The following FGFR4 variants were observed in gnomAD, a reference collection of about 807,000 sequenced individuals.
FGFR4 encodes the protein hydroxyaryl-protein kinase.
A neutral mutation model predicts 89.9 loss-of-function variants in FGFR4; 63 were observed. That is an observed-to-expected ratio of 0.70 (90% confidence interval 0.57 to 0.86). The LOEUF (loss-of-function observed/expected upper bound fraction) is 0.86. FGFR4 is among the 40% of genes least tolerant of loss of function. The pLI, the probability that FGFR4 is intolerant of heterozygous loss-of-function variation, is 0.00. For missense variants in FGFR4, 928 were observed against 1,106.7 expected, an observed-to-expected ratio of 0.84 and a Z score of 2.29; for synonymous variants, 486 against 479.4, an observed-to-expected ratio of 1.01 and a Z score of -0.18.
Position 177,092,386 on chromosome 5 carries a change from A to G in FGFR4, c.793A>G (p.Ser265Gly). ...LPANTTAVVGSDVELLCKVYS... is the reference protein window; with the variant it reads ...LPANTTAVVGGDVELLCKVYS... ...GGCCAACACCACAGCCGTGGTGGGC[A>G]GCGACGTGGAGCTGCTGTGCAAGGT... is the stretch of plus-strand genomic sequence containing the variant. Residue 265 changes from serine to glycine, a missense_variant, in exon 7 of 18, where the codon AGC (serine) becomes GGC (glycine). Around this residue, in one of 5 missense-constraint regions of FGFR4, gnomAD observed 741 missense variants for 836.9 expected, o/e 0.89. Transcript: ENST00000292408. 1.9e-6 allele frequency: 3 copies of G among 1,607,746 alleles called. No homozygotes were observed. Among genetic ancestry groups the G allele is most frequent in the Non-Finnish European group, 2.6e-6 (3 of 1,175,530 alleles).
Position 177,092,708 on chromosome 5 carries a change from CGCAGGCG to C in FGFR4, c.982_988del (p.Ala328SerfsTer121). On this transcript the variant is annotated frameshift_variant, in exon 8 of 18. Coordinates refer to ENST00000292408, the MANE Select transcript of FGFR4 (RefSeq NM_213647.3). LOFTEE classifies it high-confidence loss of function. ...ACCTGCGGAACGTGTCAGCCGAGGA[CGCAGGCG>C]AGTACACCTGCCTCGCAGGCAATTC... The C allele has an allele frequency of 6.2e-7, 1 of 1,614,198 alleles. No individual in the cohort carries two copies. The highest frequency in any genetic ancestry group is 1.1e-5 in the South Asian group (1 of 91,082).
At chr5:177,092,235 T>G in intron 6 of FGFR4, 86 bp from the exon 7 acceptor site, 2 of 1,374,086 alleles carry the variant, frequency 1.5e-6, no homozygotes, top group Non-Finnish European at 1.9e-6. Flanking sequence ...GTCCCTCCCT[T>G]GAACTTGAGG....
chr5:177,097,432 T>G, intron 17 of FGFR4, 35 bp downstream of exon 17: 1 of 1,447,170 alleles, frequency 6.9e-7, no homozygotes, highest in Non-Finnish European at 9.5e-7. Flanking sequence ...TCCCTCTGCC[T>G]GCTCCCCTCC....
intron 1 of FGFR4, chr5:177,088,399 C>T (rs748599875): frequency 5.1e-6 from 1 of 195,628 alleles, no homozygotes; most frequent in Non-Finnish European, 1.1e-5. Flanking sequence ...GTTGAAGAGC[C>T]GAGGGAGAGG....
chr5:177,088,438 G>A, intron 1 of FGFR4: 1 of 197,638 alleles, frequency 5.1e-6, no homozygotes, highest in South Asian at 1.9e-4. Flanking sequence ...GCAAGAGATG[G>A]CCATGACCTG....
chr5:177,092,196 G>T, intron 6 of FGFR4, 125 bp from the exon 7 acceptor site: 1 of 1,002,900 alleles, frequency 1.0e-6, no homozygotes, highest in Non-Finnish European at 1.4e-6. Context: ...AGCAGGGTAA[G>T]CAGGAGACAG....
Position 177,097,671 on chromosome 5 carries a change from A to G in FGFR4, c.2404A>G (p.Thr802Ala), listed in dbSNP as rs551082604. The change falls in exon 18 of 18, where the codon ACA becomes GCA. Residue 802 changes from threonine (T) to alanine (A), a missense_variant. Thr to Ala is a moderately conservative substitution (Grantham distance 58, BLOSUM62 0). Around this residue, in one of 5 missense-constraint regions of FGFR4, gnomAD observed 129 missense variants for 150.8 expected, o/e 0.86. Coordinates refer to ENST00000292408, the MANE Select transcript of FGFR4 (RefSeq NM_213647.3). ...SSFPFGSGVQ[T>A] ...CTTCCCCTTCGGGTCTGGGGTGCAG[A>G]CATGAGCAAGGCTCAAGGCTGTGCA... The G allele has an allele frequency of 6.2e-7, 1 of 1,613,898 alleles. No individual in the cohort carries two copies. Among genetic ancestry groups the G allele is most frequent in the East Asian group, 2.2e-5 (1 of 44,880 alleles).
intron 5 of FGFR4, 64 bp from the exon 6 acceptor site, chr5:177,091,621 C>T (rs1224182116): frequency 4.4e-6 from 7 of 1,598,386 alleles, no homozygotes; most frequent in African/African-American, 4.0e-5. Flanking sequence ...GATCTAGCCT[C>T]CTGGTCCTCT....
Position 177,097,570 on chromosome 5 carries a change from G to A in FGFR4, c.2303G>A (p.Gly768Asp), listed in dbSNP as rs756117219. The part of the protein sequence containing the change: ...RLTFGPYSPS[G>D]GDASSTCSSS... ...ACCTTCGGACCCTATTCCCCCTCTG[G>A]TGGGGACGCCAGCAGCACCTGCTCC... Residue 768 changes from glycine to aspartate, a missense_variant, in exon 18 of 18, where the codon GGT becomes GAT. This residue lies in a region of FGFR4 where 129 missense variants were observed against 150.8 expected (regional missense o/e 0.86). Transcript: ENST00000292408. The A allele has an allele frequency of 6.2e-6, 10 of 1,614,048 alleles. No homozygotes were observed. The highest frequency in any genetic ancestry group is 8.5e-6 in the Non-Finnish European group (10 of 1,179,992).
At chr5:177,094,540 TG>T (rs1220461856) in intron 11 of FGFR4, among the ~76,000 whole-genome samples, 1 of 151,872 alleles carries the variant, frequency 6.6e-6, no homozygotes, top group Admixed American at 6.6e-5. Context: ...TCCCTAGGTC[TG>T]CCCCCCACGT....
rs1012520229 is a variant in FGFR4 at position 177,095,201 on chromosome 5, C to A, written c.1520-129C>A. ...GCTAGGAGACTTTTTCAAGGCCACA[C>A]AGCCTAGCAAGGATTCAGCCCTAGA... On this transcript the variant is annotated intron_variant, in intron 11 of 17. Transcript: ENST00000292408. This position sits in a 1 kb window ranked among gnomAD's most constrained non-coding sequence, Gnocchi z 5.7. 1.3e-6 allele frequency: 1 copy of A among 754,856 alleles called. No homozygotes were observed. Among genetic ancestry groups the A allele is most frequent in the Non-Finnish European group, 2.3e-6 (1 of 434,108 alleles). The allele number at this position is 754,856 out of a possible 1,614,324, so 46.8% of individuals were successfully genotyped here. A position where few individuals can be genotyped will look rare whatever the true frequency, so the allele number is the denominator to read the frequency against.
chr5:177,096,242 C>G (rs774336410), intron 14 of FGFR4, 45 bp from the exon 15 acceptor site: 6 of 1,613,362 alleles, frequency 3.7e-6, no homozygotes, highest in Non-Finnish European at 5.1e-6. Flanking sequence ...GTGGCAGGCA[C>G]GAGGACCTGT....
Position 177,097,664 on chromosome 5 carries a change from G to A in FGFR4, c.2397G>A (p.Gly799=), listed in dbSNP as rs776703447. 6.8e-6 allele frequency: 11 copies of A among 1,613,700 alleles called. No homozygotes were observed. The African/African-American group carries it at 1.5e-4, about 22-fold the overall frequency. ...CCAGCTCCTTCCCCTTCGGGTCTGG[G>A]GTGCAGACATGAGCAAGGCTCAAGG... ...LGSSSFPFGS[G]VQT is the part of the protein sequence containing the mutation. Residue 799 remains glycine (G), a synonymous_variant, in exon 18 of 18, where the codon GGG becomes GGA. Transcript: ENST00000292408.
rs1467308461 is a variant in FGFR4, at chr5:177,090,607, A to C, written c.309A>C (p.Ala103=). ...PEDAGRYLCL[A]RGSMIVLQNL... is the part of the protein sequence containing the mutation. Reference sequence around the variant, plus strand: ...ATGCTGGCCGCTACCTCTGCCTGGCACGAGGCTCCATGATCGTCCTGCAGA... The same window carrying C: ...ATGCTGGCCGCTACCTCTGCCTGGCCCGAGGCTCCATGATCGTCCTGCAGA... The change falls in exon 3 of 18, where the codon GCA becomes GCC. Residue 103 remains alanine, a synonymous_variant. Transcript: ENST00000292408. 1 of 1,522,816 alleles carries C rather than the reference A, an allele frequency of 6.6e-7. No homozygotes were observed. Among genetic ancestry groups the C allele is most frequent in the Non-Finnish European group, 8.8e-7 (1 of 1,137,156 alleles). 94.3% of individuals were successfully genotyped at this position (1,522,816 alleles called of 1,614,324 possible).
chr5:177,095,806 CCT>C lies in FGFR4; in HGVS notation c.1821+88_1821+89del. ...GTGGCATTCAATGTCCCGACTTCTC[CCT>C]CTCTGCTCTTTTTCATGACCCCACC... On this transcript the variant is annotated intron_variant, in intron 13 of 17. Transcript: ENST00000292408. This position sits in a 1 kb window ranked among gnomAD's most constrained non-coding sequence, Gnocchi z 5.7. 1 of 1,385,376 alleles carries C rather than the reference CCT, an allele frequency of 7.2e-7. No individual in the cohort carries two copies. Among genetic ancestry groups the C allele is most frequent in the Non-Finnish European group, 9.6e-7 (1 of 1,036,932 alleles). 85.8% of individuals were successfully genotyped at this position (1,385,376 alleles called of 1,614,324 possible).
chr5:177,093,903 C>CAA lies in FGFR4; in HGVS notation c.1519+137_1519+138dup. 5.5e-5 allele frequency: 52 copies of CAA among 944,700 alleles called. No homozygotes were observed. The highest frequency in any genetic ancestry group is 8.4e-5 in the South Asian group (4 of 47,750). 58.5% of individuals were successfully genotyped at this position (944,700 alleles called of 1,614,324 possible). ...GCAACATGGCAAGACTTCATCTCTA[C>CAA]AAAAAAAAAATAAGAAAATTAGTTG... On this transcript the variant is annotated intron_variant, in intron 11 of 17. Transcript: ENST00000292408. The surrounding 1 kb of genome is among the most constrained non-coding windows in gnomAD (Gnocchi z 5.8).
Position 177,097,601 on chromosome 5 carries a change from C to T in FGFR4, c.2334C>T (p.Ser778=), listed in dbSNP as rs188755817. 8.7e-6 allele frequency: 14 copies of T among 1,614,180 alleles called. No individual in the cohort carries two copies. Among genetic ancestry groups the T allele is most frequent in the South Asian group, 7.7e-5 (7 of 91,092 alleles). The change falls in exon 18 of 18, where the codon AGC becomes AGT. Residue 778 remains serine, a synonymous_variant. Coordinates refer to ENST00000292408, the MANE Select transcript of FGFR4 (RefSeq NM_213647.3). The part of the protein sequence containing the change: ...GGDASSTCSS[S]DSVFSHDPLP... ...ACGCCAGCAGCACCTGCTCCTCCAG[C>T]GATTCTGTCTTCAGCCACGACCCCC...
rs371107833 is a variant in FGFR4, at chr5:177,093,171, A to G, written c.1091A>G (p.Glu364Gly). The change falls in exon 9 of 18, where the codon GAG becomes GGG. Residue 364 changes from glutamate (E) to glycine (G), a missense_variant. Physicochemically the swap from Glu to Gly is moderately conservative, Grantham distance 98. Coordinates refer to ENST00000292408, the MANE Select transcript of FGFR4 (RefSeq NM_213647.3). The surrounding 1 kb of genome is among the most constrained non-coding windows in gnomAD (Gnocchi z 5.8). ...CCCACATGGACCGCAGCAGCGCCCG[A>G]GGCCAGGTATACGGACATCATCCTG... is the stretch of plus-strand genomic sequence containing the variant. ...EDPTWTAAAP[E>G]ARYTDIILYA... 3.1e-6 allele frequency: 5 copies of G among 1,614,058 alleles called. No individual in the cohort carries two copies. The highest frequency in any genetic ancestry group is 4.2e-6 in the Non-Finnish European group (5 of 1,179,974).
In FGFR4 at chr5:177,090,951, A is replaced by G. The variant is rs1784346022; in HGVS notation, c.450A>G (p.Thr150=). ...HSYPQQAPYW[T]HPQRMEKKLH... ...CCTGCCCTCCAGCACCCTACTGGAC[A>G]CACCCCCAGCGCATGGAGAAGAAAC... Residue 150 remains threonine (T), a synonymous_variant, in exon 5 of 18, where the codon ACA becomes ACG. Coordinates refer to ENST00000292408, the MANE Select transcript of FGFR4 (RefSeq NM_213647.3). The G allele has an allele frequency of 6.2e-7, 1 of 1,614,110 alleles. No homozygotes were observed. The highest frequency in any genetic ancestry group is 8.5e-7 in the Non-Finnish European group (1 of 1,179,970).
Sources: allele counts gnomAD v4.1 joint callset (sites outside exome capture counted in the v4.1 genomes callset), GRCh38; gene constraint gnomAD v4.1.1; regional missense constraint gnomAD v4.1.1; non-coding constraint Gnocchi (gnomAD v3.1); transcripts MANE v1.5; gene names NCBI Gene and HGNC (gene_info 2026-07-23, HGNC 2026-07-21).